The following DCC variants were observed in gnomAD, a reference collection of about 807,000 sequenced individuals.
The protein encoded by DCC is DCC netrin 1 receptor.
In DCC, 58 loss-of-function variants were observed where a neutral mutation model predicts 172.5. The ratio of observed to expected loss-of-function variants is 0.34; its 90% CI spans 0.27 to 0.42. DCC has a LOEUF of 0.42. Among genes scored for constraint, DCC ranks in the 10% least tolerant of loss-of-function variants. The pLI is 1.00. For missense variants in DCC, 1,740 were observed against 1,791.0 expected, an observed-to-expected ratio of 0.97 and a Z score of 0.51; for synonymous variants, 709 against 644.5, an observed-to-expected ratio of 1.10 and a Z score of -1.52.
At chr18:52,704,814 T>C (rs2036178792) in intron 1 of DCC, among the ~76,000 whole-genome samples, 1 of 151,842 alleles carries the variant, frequency 6.6e-6, no homozygotes, top group South Asian at 2.1e-4. Flanking sequence ...TTTGTATCTT[T>C]GTATGGGTGG....
intron 7 of DCC, among the ~76,000 whole-genome samples, chr18:53,126,696 C>T (rs1459880572): frequency 2.0e-5 from 3 of 152,050 alleles, no homozygotes; most frequent in Admixed American, 1.3e-4. Context: ...TCTTAAAGTT[C>T]GTGTTCTTTG....
chr18:53,313,310 A>T (rs2057304801), intron 13 of DCC, among the ~76,000 whole-genome samples: 1 of 151,966 alleles, frequency 6.6e-6, no homozygotes, highest in Non-Finnish European at 1.5e-5. Context: ...CAGCGGCACG[A>T]TCTCGTCTCA....
intron 5 of DCC, among the ~76,000 whole-genome samples, chr18:52,957,773 A>G (rs2040770349): frequency 6.6e-6 from 1 of 152,140 alleles, no homozygotes. Flanking sequence ...ATGTGCGAAG[A>G]ACTCAATAGG....
intron 6 of DCC, among the ~76,000 whole-genome samples, chr18:53,064,168 A>G (rs1182850412): frequency 6.6e-6 from 1 of 152,134 alleles, no homozygotes; most frequent in African/African-American, 2.4e-5. Context: ...GTGGTACTCT[A>G]TTCACTGAGT....
intron 1 of DCC, among the ~76,000 whole-genome samples, chr18:52,396,171 C>A (rs1568149438): frequency 6.6e-6 from 1 of 151,718 alleles, no homozygotes; most frequent in Non-Finnish European, 1.5e-5. Flanking sequence ...CCCGTTAAAG[C>A]AGAAAAGAAA....
chr18:52,410,605 C>T (rs905188825), intron 1 of DCC, among the ~76,000 whole-genome samples: 24 of 152,148 alleles, frequency 1.6e-4, no homozygotes, highest in African/African-American at 3.1e-4. Flanking sequence ...AATACCTGGT[C>T]GGAGATGTGG....
At chr18:52,924,146 T>C (rs112639282) in intron 4 of DCC, among the ~76,000 whole-genome samples, 2 of 152,170 alleles carry the variant, frequency 1.3e-5, no homozygotes, top group African/African-American at 4.8e-5. Flanking sequence ...CAGAGAAATT[T>C]TGGTGGATTC....
chr18:52,433,522 A>G (rs1248028959), intron 1 of DCC, among the ~76,000 whole-genome samples: 1 of 152,186 alleles, frequency 6.6e-6, no homozygotes, highest in African/African-American at 2.4e-5. Flanking sequence ...TTGGCAAATA[A>G]TGAATTGTTT....
intron 15 of DCC, among the ~76,000 whole-genome samples, chr18:53,376,052 C>A (rs1421020724): frequency 6.6e-6 from 1 of 152,066 alleles, no homozygotes; most frequent in Non-Finnish European, 1.5e-5. Flanking sequence ...ATCATTCCTA[C>A]TCTATCTATT....
At chr18:52,906,672 G>T (rs1280219961) in intron 3 of DCC, among the ~76,000 whole-genome samples, 5 of 151,798 alleles carry the variant, frequency 3.3e-5, no homozygotes, top group Non-Finnish European at 7.4e-5. Context: ...AGTCTAAGAG[G>T]TAGTTTTGAT....
At chr18:52,923,944 C>G (rs1036365099) in intron 4 of DCC, 87 bp downstream of exon 4, 4 of 939,262 alleles carry the variant, frequency 4.3e-6, no homozygotes, top group Non-Finnish European at 7.0e-6. Flanking sequence ...ATATAAGTAC[C>G]TACAGTACTA....
intron 1 of DCC, among the ~76,000 whole-genome samples, chr18:52,687,425 C>T (rs897855612): frequency 6.6e-6 from 1 of 151,704 alleles, no homozygotes; most frequent in Non-Finnish European, 1.5e-5. Flanking sequence ...GCTGGTATTA[C>T]AGGCACCTGC....
At chr18:53,019,112 A>AT (rs979060859) in intron 5 of DCC, among the ~76,000 whole-genome samples, 24 of 152,292 alleles carry the variant, frequency 1.6e-4, no homozygotes, top group Admixed American at 1.1e-3. Flanking sequence ...TAGCACAATT[A>AT]TTTTAACAAT....
Position 53,499,656 on chromosome 18 carries a change from G to A in DCC, c.4111+146G>A, listed in dbSNP as rs752922818. The A allele has an allele frequency of 2.6e-5, 20 of 761,188 alleles. No individual in the cohort carries two copies. In the Middle Eastern group the frequency reaches 7.3e-4, roughly 28 times the overall value. The allele number at this position is 761,188 out of a possible 1,614,324, so 47.2% of individuals were successfully genotyped here. On this transcript the variant is annotated intron_variant, in intron 27 of 28. Transcript: ENST00000442544. ...CAGTGTGCTCATTTTTGTTACTGAT[G>A]CTTGTAGTGTAACCCTTAATGACCC...
At chr18:52,533,010 G>C (rs1050422108) in intron 1 of DCC, among the ~76,000 whole-genome samples, 1 of 152,074 alleles carries the variant, frequency 6.6e-6, no homozygotes, top group African/African-American at 2.4e-5. Context: ...CAGATTTGAC[G>C]ATTCTGGACA....
intron 1 of DCC, among the ~76,000 whole-genome samples, chr18:52,504,412 G>A (rs562988192): frequency 2.0e-5 from 3 of 152,258 alleles, no homozygotes; most frequent in African/African-American, 7.2e-5. Context: ...ACCCCTCTGA[G>A]TTTCTTGAGG....
chr18:53,066,871 T>C (rs987860532), intron 7 of DCC, among the ~76,000 whole-genome samples: 5 of 152,006 alleles, frequency 3.3e-5, no homozygotes, highest in African/African-American at 1.2e-4. Context: ...CTCAGGAAAC[T>C]TGAGATTATG....
intron 12 of DCC, among the ~76,000 whole-genome samples, chr18:53,279,079 T>C (rs1163512369): frequency 2.6e-5 from 4 of 152,212 alleles, no homozygotes; most frequent in Admixed American, 1.3e-4. Flanking sequence ...ACCTGTTGTT[T>C]CCTGGCTTTT....
chr18:52,961,222 C>T (rs1216156543), intron 5 of DCC, among the ~76,000 whole-genome samples: 1 of 152,206 alleles, frequency 6.6e-6, no homozygotes, highest in Middle Eastern at 3.4e-3. Flanking sequence ...AGCACACCAA[C>T]ATGACACATG....
Sources: gnomAD v4.1 joint callset for allele counts (sites outside exome capture counted in the v4.1 genomes callset) on GRCh38, gnomAD v4.1.1 for gene constraint, MANE v1.5 for transcripts, NCBI Gene and HGNC (gene_info 2026-07-23, HGNC 2026-07-21) for gene names.